Variants in DST observed in about 807,000 individuals in gnomAD.
DST encodes the protein dystonin.
Under a neutral mutation model 875.2 loss-of-function variants are expected in DST, and 253 were observed. The observed-to-expected ratio is 0.29, with a 90% CI of 0.26 to 0.32. DST has a LOEUF of 0.32. Ranked by LOEUF, DST falls within the 10% of genes least tolerant of loss-of-function variation. The probability of loss-of-function intolerance (pLI) is 1.00; values close to 1 mark genes in which losing one functional copy is unlikely to be tolerated. For synonymous variants in DST, 3,124 were observed against 3,197.1 expected (o/e 0.98, Z 0.77); for missense variants, 8,287 against 9,111.6 (o/e 0.91, Z 3.68).
At chr6:56,740,441 C>T (rs1394334399) in intron 4 of DST, among the ~76,000 whole-genome samples, 1 of 152,202 alleles carries the variant, frequency 6.6e-6, no homozygotes, top group Non-Finnish European at 1.5e-5. Flanking sequence ...GAAGGACCAA[C>T]CTCATCCAGG....
chr6:56,832,011 G>T (rs943257569), intron 4 of DST, among the ~76,000 whole-genome samples: 1 of 152,018 alleles, frequency 6.6e-6, no homozygotes, highest in Non-Finnish European at 1.5e-5. Flanking sequence ...TTTCTATATA[G>T]TTTTCTAAAT....
chr6:56,631,129 TA>T, intron 30 of DST, 81 bp downstream of exon 30: 1 of 582,454 alleles, frequency 1.7e-6, no homozygotes, highest in Non-Finnish European at 2.5e-6. Context: ...TTTATATTAA[TA>T]AAAATAAAAT....
In DST at chr6:56,529,615, G is replaced by A. The variant is rs1436932574; in HGVS notation, c.17428C>T (p.His5810Tyr). 6 of 1,613,612 alleles carry A rather than the reference G, an allele frequency of 3.7e-6. No homozygotes were observed. The highest frequency in any genetic ancestry group is 2.2e-5 in the South Asian group (2 of 91,072). ...VWYIEIQEKS[H>Y]SRSELLQQAL... ...TGCTGGAGGAGCTCAGACCTGCTGTGACTTTTCTCTTGAATCTCAATGTAC... is the reference window on the plus strand; with the variant it reads ...TGCTGGAGGAGCTCAGACCTGCTGTAACTTTTCTCTTGAATCTCAATGTAC... Residue 5810 changes from histidine to tyrosine, a missense_variant, in exon 66 of 104, where the codon CAC (histidine) becomes TAC (tyrosine). Transcript: ENST00000680361.
intron 61 of DST, among the ~76,000 whole-genome samples, chr6:56,548,726 T>C (rs183604742): frequency 6.6e-6 from 1 of 152,280 alleles, no homozygotes; most frequent in Non-Finnish European, 1.5e-5. Context: ...TAAATAAGTG[T>C]AAGTGGAAAA....
rs182951747 is a variant in DST at position 56,829,687 on chromosome 6, G to C, written c.625+21710C>G. On this transcript the variant is annotated intron_variant, in intron 4 of 103. Coordinates refer to ENST00000680361, the MANE Select transcript of DST (RefSeq NM_001374736.1). ...AGTAACCAGATCATATCAGTATGAA[G>C]TGATACATTCAAAACTCTTTTTAAA... Among the ~76,000 whole-genome samples the C allele has an allele frequency of 5.3e-3, 812 of 152,262 alleles. 6 individuals are homozygous for C. The highest frequency in any genetic ancestry group is 0.018 in the African/African-American group (766 of 41,560).
chr6:56,734,338 T>C (rs1202457435), intron 5 of DST, among the ~76,000 whole-genome samples: 1 of 152,226 alleles, frequency 6.6e-6, no homozygotes, highest in African/African-American at 2.4e-5. Flanking sequence ...AAATCACTTT[T>C]ATAGAAGATG....
intron 55 of DST, among the ~76,000 whole-genome samples, chr6:56,567,486 G>A (rs2097699850): frequency 6.9e-6 from 1 of 145,128 alleles, no homozygotes; most frequent in Non-Finnish European, 1.5e-5. Context: ...AAAAACACTT[G>A]ATATTTATGG....
chr6:56,630,876 G>A (rs898564885), intron 30 of DST, among the ~76,000 whole-genome samples: 3 of 150,494 alleles, frequency 2.0e-5, no homozygotes, highest in Non-Finnish European at 3.0e-5. Flanking sequence ...TCCACCTCCC[G>A]GGTTCAAGTG....
chr6:56,522,318 T>C (rs1483219820), intron 69 of DST, among the ~76,000 whole-genome samples: 1 of 152,088 alleles, frequency 6.6e-6, no homozygotes, highest in Non-Finnish European at 1.5e-5. Context: ...ATGCTGAGCC[T>C]GAGATTCTAA....
intron 2 of DST, among the ~76,000 whole-genome samples, chr6:56,909,771 G>A (rs1262455009): frequency 6.6e-6 from 1 of 152,202 alleles, no homozygotes; most frequent in African/African-American, 2.4e-5. Context: ...CCACCATCAT[G>A]TGAGTACAGT....
chr6:56,570,263 T>C (rs2097759526), intron 53 of DST, among the ~76,000 whole-genome samples: 1 of 152,162 alleles, frequency 6.6e-6, no homozygotes. Flanking sequence ...TTTGGGATGA[T>C]TAAATGCATT....
At chr6:56,746,340 A>G (rs999146493) in intron 4 of DST, among the ~76,000 whole-genome samples, 4 of 152,182 alleles carry the variant, frequency 2.6e-5, no homozygotes, top group Non-Finnish European at 2.9e-5. Context: ...TAAAATCCAT[A>G]TACTTTCTGA....
chr6:56,619,646 T>C lies in DST; in HGVS notation c.4929+4884A>G, dbSNP rs772810492. On this transcript the variant is annotated intron_variant, in intron 36 of 103. Transcript: ENST00000680361. Reference sequence around the variant, plus strand: ...TAACTGATAATTGCGCTTTATTTTCTTGAGATCACTAGCTTCTTGCATGGC... The same window carrying C: ...TAACTGATAATTGCGCTTTATTTTCCTGAGATCACTAGCTTCTTGCATGGC... 4 of 1,613,770 alleles carry C rather than the reference T, an allele frequency of 2.5e-6. No individual in the cohort carries two copies. Among genetic ancestry groups the C allele is most frequent in the Non-Finnish European group, 3.4e-6 (4 of 1,180,022 alleles).
intron 4 of DST, among the ~76,000 whole-genome samples, chr6:56,797,683 G>A (rs974888413): frequency 1.3e-4 from 20 of 152,078 alleles, no homozygotes; most frequent in African/African-American, 7.2e-5. Flanking sequence ...GCTGGGCGTG[G>A]TGGCAGGTGC....
intron 5 of DST, 48 bp from the exon 6 acceptor site, chr6:56,704,417 C>T (rs1308940319): frequency 1.3e-6 from 1 of 791,020 alleles, no homozygotes; most frequent in Admixed American, 2.9e-5. Context: ...CAGAATTATC[C>T]TTAACATTCT....
intron 5 of DST, chr6:56,735,013 T>A (rs892736367): frequency 1.7e-5 from 8 of 467,274 alleles, no homozygotes; most frequent in Non-Finnish European, 2.6e-5. Flanking sequence ...CAGAATGCAC[T>A]GAAATCACTG....
At chr6:56,570,399 A>G (rs2152602632) in intron 53 of DST, among the ~76,000 whole-genome samples, 1 of 152,332 alleles carries the variant, frequency 6.6e-6, no homozygotes, top group South Asian at 2.1e-4. Context: ...AGGCAGTCCC[A>G]TCTGGGGGTG....
chr6:56,810,720 A>G (rs114530650), intron 4 of DST, among the ~76,000 whole-genome samples: 385 of 152,144 alleles, frequency 2.5e-3, no homozygotes, highest in African/African-American at 8.6e-3. Context: ...GGGAAAAAAA[A>G]AAAAGGCAGT....
intron 22 of DST, chr6:56,638,876 A>C (rs1010580364): frequency 3.7e-6 from 1 of 272,700 alleles, no homozygotes; most frequent in African/African-American, 2.3e-5. Flanking sequence ...TCTTATTCTC[A>C]TCACAACTCT....
Sources: gnomAD v4.1 joint callset for allele counts (sites outside exome capture counted in the v4.1 genomes callset) on GRCh38, gnomAD v4.1.1 for gene constraint, MANE v1.5 for transcripts, NCBI Gene and HGNC (gene_info 2026-07-23, HGNC 2026-07-21) for gene names.